TRAPPC5: variants seen among roughly 807,000 people sequenced by gnomAD.
TRAPPC5 encodes trafficking protein particle complex subunit 5, also known as trafficking protein particle complex 5.
TRAPPC5 carries 5 observed loss-of-function variants against 9.8 expected under a neutral mutation model. The observed-to-expected ratio is 0.51, with a 90% CI of 0.27 to 1.07. The LOEUF (loss-of-function observed/expected upper bound fraction) is 1.07, where lower values mean the gene tolerates loss of function less well. Among genes scored for constraint, TRAPPC5 ranks in the 50% least tolerant of loss-of-function variants. The pLI is 0.12. For missense variants in TRAPPC5, 243 were observed against 291.5 expected (o/e 0.83, Z 1.21); for synonymous variants, 146 against 140.7 (o/e 1.04, Z -0.26).
rs1374880742 is a variant in TRAPPC5, at chr19:7,682,802, G to A, written c.549G>A (p.Arg183=). 3 of 1,597,844 alleles carry A rather than the reference G, an allele frequency of 1.9e-6. No individual in the cohort carries two copies. Among genetic ancestry groups the A allele is most frequent in the African/African-American group, 1.3e-5 (1 of 74,540 alleles). Residue 183 remains arginine (R), a synonymous_variant, in exon 2 of 2, where the codon CGG becomes CGA. Coordinates refer to ENST00000596148, the MANE Select transcript of TRAPPC5 (RefSeq NM_001042462.2). This position sits in a 1 kb window ranked among gnomAD's most constrained non-coding sequence, Gnocchi z 8.6. Reference sequence around the variant, plus strand: ...AGGAGGCAGTCATCGCTCGAGACCGGGCCCTGGAGGGCCGCTGACCCTGCC... The same window carrying A: ...AGGAGGCAGTCATCGCTCGAGACCGAGCCCTGGAGGGCCGCTGACCCTGCC... ...KFEEAVIARD[R]ALEGR
At position 7,682,433 on chromosome 19, in the gene TRAPPC5, G is replaced by A. The variant is rs762577519; in HGVS notation, c.180G>A (p.Gln60=). 1 of 1,601,800 alleles carries A rather than the reference G, an allele frequency of 6.2e-7. No individual in the cohort carries two copies. Among genetic ancestry groups the A allele is most frequent in the Non-Finnish European group, 8.5e-7 (1 of 1,174,966 alleles). The change falls in exon 2 of 2, where the codon CAG becomes CAA. Residue 60 remains glutamine, a synonymous_variant. Transcript: ENST00000596148. This position sits in a 1 kb window ranked among gnomAD's most constrained non-coding sequence, Gnocchi z 8.6. ...CGCGCCTGGCCGCGCTGGGCCGCCA[G>A]GTGGGCGCGCGCGTGCTGGATGCGC... ...LQSRLAALGR[Q]VGARVLDALV...
rs756846481 is a variant in TRAPPC5 at position 7,682,650 on chromosome 19, GAGA to G, written c.399_401del (p.Glu133_Asn134delinsAsp). 6.2e-7 allele frequency: 1 copy of G among 1,613,898 alleles called. No individual in the cohort carries two copies. Among genetic ancestry groups the G allele is most frequent in the East Asian group, 2.2e-5 (1 of 44,886 alleles). On this transcript the variant is annotated inframe_deletion, in exon 2 of 2. Transcript: ENST00000596148. This position sits in a 1 kb window ranked among gnomAD's most constrained non-coding sequence, Gnocchi z 8.6. ...CAACACCTACATCTCCGTGCCCAAG[GAGA>G]ACAGCACGCTCAACTGCGCCAGCTT...
Position 7,681,922 on chromosome 19 carries a change from G to A in TRAPPC5, c.-12-320G>A, listed in dbSNP as rs2032643443. ...AGGAAGGCGCTTTCGCAATTGAACC[G>A]TCTGCATGCCCGAGGGTTGGGTGGT... is the stretch of plus-strand genomic sequence containing the variant. On this transcript the variant is annotated intron_variant, in intron 1 of 1. Transcript: ENST00000596148. The surrounding 1 kb of genome is among the most constrained non-coding windows in gnomAD (Gnocchi z 8.7). 2.6e-5 allele frequency among the ~76,000 whole-genome samples: 4 copies of A among 152,080 alleles called. No homozygotes were observed. Among genetic ancestry groups the A allele is most frequent in the South Asian group, 4.1e-4 (2 of 4,830 alleles).
rs2032643194 is a variant in TRAPPC5, at chr19:7,681,907, T to C, written c.-12-335T>C. On this transcript the variant is annotated intron_variant, in intron 1 of 1. Coordinates refer to ENST00000596148, the MANE Select transcript of TRAPPC5 (RefSeq NM_001042462.2). This position sits in a 1 kb window ranked among gnomAD's most constrained non-coding sequence, Gnocchi z 8.7. ...GGTGGCGGAGCGGGCAGGAAGGCGC[T>C]TTCGCAATTGAACCGTCTGCATGCC... Among the ~76,000 whole-genome samples, 1 of 152,094 alleles carries C rather than the reference T, an allele frequency of 6.6e-6. No individual in the cohort carries two copies. Among genetic ancestry groups the C allele is most frequent in the Non-Finnish European group, 1.5e-5 (1 of 68,010 alleles).
In TRAPPC5 at chr19:7,685,803, G is replaced by C. The variant is rs905656506; in HGVS notation, c.*2983G>C. 1 of 152,588 alleles carries C rather than the reference G, an allele frequency of 6.6e-6. No homozygotes were observed. The highest frequency in any genetic ancestry group is 1.5e-5 in the Non-Finnish European group (1 of 68,360). 9.5% of individuals were successfully genotyped at this position (152,588 alleles called of 1,614,324 possible). On this transcript the variant is annotated 3_prime_UTR_variant, in exon 2 of 2. Transcript: ENST00000596148. ...TTGGGCAGGATGATAGCCTGAATCT[G>C]GAATGAGGGGGAGGCGTCTAGGGGG...
intron 1 of TRAPPC5, 21 bp downstream of exon 1, chr19:7,680,899 C>G (rs894524227): frequency 1.3e-5 from 2 of 152,278 alleles, no homozygotes; most frequent in Non-Finnish European, 2.9e-5. Context: ...ACCCACCCCC[C>G]TGCCCGCGCC....
In TRAPPC5 at chr19:7,682,566, C is replaced by T. The variant is rs1202768428; in HGVS notation, c.313C>T (p.Leu105=). 2 of 1,612,672 alleles carry T rather than the reference C, an allele frequency of 1.2e-6. No individual in the cohort carries two copies. The highest frequency in any genetic ancestry group is 1.7e-6 in the Non-Finnish European group (2 of 1,179,972). Residue 105 remains leucine, a synonymous_variant, in exon 2 of 2, where the codon CTG becomes TTG. Coordinates refer to ENST00000596148, the MANE Select transcript of TRAPPC5 (RefSeq NM_001042462.2). This position sits in a 1 kb window ranked among gnomAD's most constrained non-coding sequence, Gnocchi z 8.6. ...GCTCTTCGGCAAGGAGGCGGACAAG[C>T]TGGAGCAGGCCAACGATGACGCGCG... is the stretch of plus-strand genomic sequence containing the variant. The part of the protein sequence containing the change: ...KALFGKEADK[L]EQANDDARTF...
chr19:7,682,285 C>T lies in TRAPPC5; in HGVS notation c.32C>T (p.Ala11Val), dbSNP rs753425102. The part of the protein sequence containing the change: MEARFTRGKS[A>V]LLERALARPR... Reference sequence around the variant, plus strand: ...GCGCGCTTCACGCGCGGGAAGTCGGCGCTGCTGGAGCGCGCGCTGGCGCGG... The same window carrying T: ...GCGCGCTTCACGCGCGGGAAGTCGGTGCTGCTGGAGCGCGCGCTGGCGCGG... Residue 11 changes from alanine to valine, a missense_variant, in exon 2 of 2, where the codon GCG (alanine) becomes GTG (valine). By Grantham distance (64) the Ala-to-Val change is moderately conservative (BLOSUM62 0). Coordinates refer to ENST00000596148, the MANE Select transcript of TRAPPC5 (RefSeq NM_001042462.2). This position sits in a 1 kb window ranked among gnomAD's most constrained non-coding sequence, Gnocchi z 8.6. 12 of 1,428,368 alleles carry T rather than the reference C, an allele frequency of 8.4e-6. No homozygotes were observed. The African/African-American group carries it at 1.5e-4, about 18-fold the overall frequency. 88.5% of individuals were successfully genotyped at this position (1,428,368 alleles called of 1,614,324 possible). A position where few individuals can be genotyped will look rare whatever the true frequency, so the allele number is the denominator to read the frequency against.
In TRAPPC5 at chr19:7,683,172, T is replaced by A; in HGVS notation, c.*352T>A. On this transcript the variant is annotated 3_prime_UTR_variant, in exon 2 of 2. Transcript: ENST00000596148. ...GCCTTTAGACTGGGGGTGGGCAAAC[T>A]GCGCAAAGTGCCAGATGGGCAATAT... 1.0e-5 allele frequency: 3 copies of A among 287,162 alleles called. No individual in the cohort carries two copies. 17.8% of individuals were successfully genotyped at this position (287,162 alleles called of 1,614,324 possible).
In TRAPPC5 at chr19:7,681,698, C is replaced by T. The variant is rs1323636807; in HGVS notation, c.-12-544C>T. 6.6e-6 allele frequency among the ~76,000 whole-genome samples: 1 copy of T among 152,044 alleles called. No homozygotes were observed. The highest frequency in any genetic ancestry group is 1.5e-5 in the Non-Finnish European group (1 of 68,002). On this transcript the variant is annotated intron_variant, in intron 1 of 1. Transcript: ENST00000596148. The surrounding 1 kb of genome is among the most constrained non-coding windows in gnomAD (Gnocchi z 8.7). ...GCTCCTACCCCACTCCCACCCTCCA[C>T]CCCCTTTACTCTGGCTTTCCGCAGG...
Position 7,682,189 on chromosome 19 carries a change from C to A in TRAPPC5, c.-12-53C>A. 1 of 1,344,086 alleles carries A rather than the reference C, an allele frequency of 7.4e-7. No individual in the cohort carries two copies. Among genetic ancestry groups the A allele is most frequent in the Non-Finnish European group, 9.6e-7 (1 of 1,045,560 alleles). 83.3% of individuals were successfully genotyped at this position (1,344,086 alleles called of 1,614,324 possible). A position where few individuals can be genotyped will look rare whatever the true frequency, so the allele number is the denominator to read the frequency against. ...GCGGTTCTCCCTCCTTTCCTCCCGG[C>A]CTGCTCCCCTTCCCATTGCCCCTGA... On this transcript the variant is annotated intron_variant, in intron 1 of 1. Coordinates refer to ENST00000596148, the MANE Select transcript of TRAPPC5 (RefSeq NM_001042462.2). The surrounding 1 kb of genome is among the most constrained non-coding windows in gnomAD (Gnocchi z 8.6).
At position 7,681,682 on chromosome 19, in the gene TRAPPC5, C is replaced by G. The variant is rs1172775613; in HGVS notation, c.-12-560C>G. Among the ~76,000 whole-genome samples, 1 of 152,052 alleles carries G rather than the reference C, an allele frequency of 6.6e-6. No homozygotes were observed. Among genetic ancestry groups the G allele is most frequent in the African/African-American group, 2.4e-5 (1 of 41,408 alleles). ...CTTTTGGTCTTGACACGCTCCTACC[C>G]CACTCCCACCCTCCACCCCCTTTAC... is the stretch of plus-strand genomic sequence containing the variant. On this transcript the variant is annotated intron_variant, in intron 1 of 1. Coordinates refer to ENST00000596148, the MANE Select transcript of TRAPPC5 (RefSeq NM_001042462.2). This position sits in a 1 kb window ranked among gnomAD's most constrained non-coding sequence, Gnocchi z 8.7.
In TRAPPC5 at chr19:7,684,907, GGCAGAAGGATC is replaced by G. The variant is rs1416654212; in HGVS notation, c.*2090_*2100del. ...GAGTCCCAGCTATTCAGGAGGCCGA[GGCAGAAGGATC>G]GCTTGAGGCCAGGGGTTGGTGTCCA... On this transcript the variant is annotated 3_prime_UTR_variant, in exon 2 of 2. Transcript: ENST00000596148. 6.6e-6 allele frequency: 1 copy of G among 152,182 alleles called. No individual in the cohort carries two copies. The highest frequency in any genetic ancestry group is 1.9e-4 in the East Asian group (1 of 5,194). The allele number at this position is 152,182 out of a possible 1,614,324, so 9.4% of individuals were successfully genotyped here. A position where few individuals can be genotyped will look rare whatever the true frequency, so the allele number is the denominator to read the frequency against.
Position 7,682,229 on chromosome 19 carries a change from G to T in TRAPPC5, c.-12-13G>T. ...ATTGCCCCTGACACCTGCACTTCCTGGTCTCCCCGCAGGGTGGCGGCGGCA... is the reference window on the plus strand; with the variant it reads ...ATTGCCCCTGACACCTGCACTTCCTTGTCTCCCCGCAGGGTGGCGGCGGCA... On this transcript the variant is annotated splice_polypyrimidine_tract_variant and intron_variant, in intron 1 of 1. Coordinates refer to ENST00000596148, the MANE Select transcript of TRAPPC5 (RefSeq NM_001042462.2). The surrounding 1 kb of genome is among the most constrained non-coding windows in gnomAD (Gnocchi z 8.6). The T allele has an allele frequency of 7.2e-7, 1 of 1,385,208 alleles. No individual in the cohort carries two copies. Among genetic ancestry groups the T allele is most frequent in the South Asian group, 1.6e-5 (1 of 61,264 alleles). 85.8% of individuals were successfully genotyped at this position (1,385,208 alleles called of 1,614,324 possible).
At position 7,683,710 on chromosome 19, in the gene TRAPPC5, C is replaced by G. The variant is rs960766623; in HGVS notation, c.*890C>G. ...AGGCTGGAGTGCAGTGGCAGCATCT[C>G]GGCTTCGGCTCACTGCAAGCTCCGC... On this transcript the variant is annotated 3_prime_UTR_variant, in exon 2 of 2. Transcript: ENST00000596148. 6.6e-6 allele frequency: 1 copy of G among 152,022 alleles called. No individual in the cohort carries two copies. Among genetic ancestry groups the G allele is most frequent in the Non-Finnish European group, 1.5e-5 (1 of 68,020 alleles). 9.4% of individuals were successfully genotyped at this position (152,022 alleles called of 1,614,324 possible). A position where few individuals can be genotyped will look rare whatever the true frequency, so the allele number is the denominator to read the frequency against.
rs2032639610 is a variant in TRAPPC5 at position 7,681,694 on chromosome 19, T to G, written c.-12-548T>G. On this transcript the variant is annotated intron_variant, in intron 1 of 1. Transcript: ENST00000596148. This position sits in a 1 kb window ranked among gnomAD's most constrained non-coding sequence, Gnocchi z 8.7. ...ACACGCTCCTACCCCACTCCCACCC[T>G]CCACCCCCTTTACTCTGGCTTTCCG... 7.2e-6 allele frequency among the ~76,000 whole-genome samples: 1 copy of G among 139,318 alleles called. No individual in the cohort carries two copies. 91.4% of individuals were successfully genotyped at this position (139,318 alleles called of 152,430 possible).
At position 7,684,812 on chromosome 19, in the gene TRAPPC5, A is replaced by G. The variant is rs1350613267; in HGVS notation, c.*1992A>G. On this transcript the variant is annotated 3_prime_UTR_variant, in exon 2 of 2. Transcript: ENST00000596148. ...TACTTTAAAGTTAATTTTAAAGTCC[A>G]GGATGATACAAACACATTTCCCTTG... The G allele has an allele frequency of 2.0e-5, 3 of 152,112 alleles. No homozygotes were observed. Among genetic ancestry groups the G allele is most frequent in the African/African-American group, 4.8e-5 (2 of 41,388 alleles). The allele number at this position is 152,112 out of a possible 1,614,324, so 9.4% of individuals were successfully genotyped here.
rs529439004 is a variant in TRAPPC5, at chr19:7,681,136, G to C, written c.-13+258G>C. On this transcript the variant is annotated intron_variant, in intron 1 of 1. Coordinates refer to ENST00000596148, the MANE Select transcript of TRAPPC5 (RefSeq NM_001042462.2). This position sits in a 1 kb window ranked among gnomAD's most constrained non-coding sequence, Gnocchi z 8.7. ...CGCAGCCCGGTGGTGGGGTCTTAAC[G>C]ATCCCTCTCCCATCTCGCGCGCCCA... 1.4e-4 allele frequency: 22 copies of C among 152,266 alleles called. No homozygotes were observed. The highest frequency in any genetic ancestry group is 5.3e-4 in the African/African-American group (22 of 41,492). 9.4% of individuals were successfully genotyped at this position (152,266 alleles called of 1,614,324 possible).
chr19:7,683,439 C>T lies in TRAPPC5; in HGVS notation c.*619C>T, dbSNP rs138833940. 5,688 of 152,420 alleles carry T rather than the reference C, an allele frequency of 0.037. 129 individuals are homozygous for T. Among genetic ancestry groups the T allele is most frequent in the Non-Finnish European group, 0.041 (2,773 of 68,300 alleles). 9.4% of individuals were successfully genotyped at this position (152,420 alleles called of 1,614,324 possible). A position where few individuals can be genotyped will look rare whatever the true frequency, so the allele number is the denominator to read the frequency against. ...TTCACCATGTTGGTCAGGCTGGTCT[C>T]GAACTCCTCATCTCAGGTGATCCGC... On this transcript the variant is annotated 3_prime_UTR_variant, in exon 2 of 2. Coordinates refer to ENST00000596148, the MANE Select transcript of TRAPPC5 (RefSeq NM_001042462.2).
Sources: allele counts gnomAD v4.1 joint callset (sites outside exome capture counted in the v4.1 genomes callset), GRCh38; gene constraint gnomAD v4.1.1; non-coding constraint Gnocchi (gnomAD v3.1); transcripts MANE v1.5; gene names NCBI Gene and HGNC (gene_info 2026-07-23, HGNC 2026-07-21).